The following SORT1 variants were observed in gnomAD, a reference collection of about 807,000 sequenced individuals.
SORT1 encodes the protein sortilin 1.
SORT1 carries 39 observed loss-of-function variants against 101.7 expected under a neutral mutation model. That is an observed-to-expected ratio of 0.38 (90% confidence interval 0.30 to 0.50). SORT1 has a LOEUF of 0.50. SORT1 is among the 20% of genes least tolerant of loss of function. SORT1 has a pLI of 0.90. For missense variants in SORT1, 878 were observed against 1,040.4 expected, an observed-to-expected ratio of 0.84 and a Z score of 2.15; for synonymous variants, 396 against 393.7, an observed-to-expected ratio of 1.01 and a Z score of -0.07.
In SORT1 at chr1:109,311,468, G is replaced by C. The variant is rs1486306777; in HGVS notation, c.*2575C>G. 6.6e-6 allele frequency: 1 copy of C among 152,216 alleles called. No individual in the cohort carries two copies. Among genetic ancestry groups the C allele is most frequent in the Non-Finnish European group, 1.5e-5 (1 of 68,034 alleles). The allele number at this position is 152,216 out of a possible 1,614,324, so 9.4% of individuals were successfully genotyped here. A position where few individuals can be genotyped will look rare whatever the true frequency, so the allele number is the denominator to read the frequency against. ...GCTGAGGGCACACATTTGTGAGTGA[G>C]CAGGTTGATAAAGAAAGCTAACTAG... On this transcript the variant is annotated 3_prime_UTR_variant, in exon 20 of 20. Coordinates refer to ENST00000256637, the MANE Select transcript of SORT1 (RefSeq NM_002959.7).
At chr1:109,364,992 T>C (rs998230424) in intron 3 of SORT1, among the ~76,000 whole-genome samples, 11 of 152,224 alleles carry the variant, frequency 7.2e-5, no homozygotes, top group Non-Finnish European at 1.2e-4. Context: ...CTGAGCCTAC[T>C]TGCCAACAAA....
At chr1:109,333,354 C>G (rs1438785949) in intron 11 of SORT1, among the ~76,000 whole-genome samples, 1 of 152,102 alleles carries the variant, frequency 6.6e-6, no homozygotes, top group Non-Finnish European at 1.5e-5. Flanking sequence ...TTCATCTGGG[C>G]AATGGCTTTT....
intron 6 of SORT1, among the ~76,000 whole-genome samples, chr1:109,348,367 C>T (rs1649733913): frequency 6.6e-6 from 1 of 151,450 alleles, no homozygotes; most frequent in African/African-American, 2.4e-5. Flanking sequence ...ACAGCAGCAT[C>T]CTGGTTATTC....
chr1:109,366,763 G>A (rs1443649036), intron 3 of SORT1: 1 of 152,178 alleles, frequency 6.6e-6, no homozygotes, highest in African/African-American at 2.4e-5. Context: ...AAATTACCCA[G>A]GCATGGAGGT....
intron 3 of SORT1, among the ~76,000 whole-genome samples, chr1:109,360,124 C>T (rs1266012500): frequency 6.6e-6 from 1 of 152,116 alleles, no homozygotes; most frequent in Non-Finnish European, 1.5e-5. Flanking sequence ...GCTGGGCATC[C>T]TCCCACCTCG....
chr1:109,340,759 A>G lies in SORT1; in HGVS notation c.1229T>C (p.Leu410Pro). Residue 410 changes from leucine to proline, a missense_variant, in exon 10 of 20, where the codon CTC (leucine) becomes CCC (proline). Physicochemically the swap from Leu to Pro is moderately conservative, Grantham distance 98 (BLOSUM62 -3). Transcript: ENST00000256637. ...GETDFTNVTSLRGVYITSVLS... is the reference protein window; with the variant it reads ...GETDFTNVTSPRGVYITSVLS... Reference sequence around the variant, plus strand: ...CACGCTTGTTATGTAGACGCCGCGGAGGGAGGTCACGTTGGTAAAGTCCGT... The same window carrying G: ...CACGCTTGTTATGTAGACGCCGCGGGGGGAGGTCACGTTGGTAAAGTCCGT... 6.2e-7 allele frequency: 1 copy of G among 1,614,072 alleles called. No individual in the cohort carries two copies. Among genetic ancestry groups the G allele is most frequent in the South Asian group, 1.1e-5 (1 of 91,078 alleles).
chr1:109,346,007 G>C (rs912394830), intron 7 of SORT1, 126 bp from the exon 8 acceptor site: 6 of 813,012 alleles, frequency 7.4e-6, no homozygotes, highest in Non-Finnish European at 5.8e-6. Context: ...TTAATCAAGT[G>C]ACAACATAAA....
intron 3 of SORT1, 127 bp downstream of exon 3, chr1:109,367,281 G>A: frequency 1.6e-6 from 1 of 625,810 alleles, no homozygotes; most frequent in Non-Finnish European, 2.9e-6. Flanking sequence ...TGACAGTCTG[G>A]TGAAAACTTA....
At chr1:109,348,483 A>G (rs1254631434) in intron 6 of SORT1, among the ~76,000 whole-genome samples, 8 of 152,140 alleles carry the variant, frequency 5.3e-5, no homozygotes, top group Middle Eastern at 3.4e-3. Flanking sequence ...AGTTTTAAAG[A>G]TAAGGTTTTG....
At chr1:109,321,466 C>T (rs1004809795) in intron 15 of SORT1, among the ~76,000 whole-genome samples, 17 of 152,062 alleles carry the variant, frequency 1.1e-4, no homozygotes, top group African/African-American at 3.6e-4. Flanking sequence ...TATTTGGAGT[C>T]GAGGATAGGA....
At chr1:109,348,587 A>G (rs1649754260) in intron 6 of SORT1, among the ~76,000 whole-genome samples, 2 of 152,120 alleles carry the variant, frequency 1.3e-5, no homozygotes, top group Admixed American at 6.6e-5. Context: ...CTCCTCGGCT[A>G]AAGTGATCCT....
rs781627380 is a variant in SORT1, at chr1:109,325,008, T to C, written c.1725A>G (p.Glu575=). 6.2e-7 allele frequency: 1 copy of C among 1,612,290 alleles called. No homozygotes were observed. Among genetic ancestry groups the C allele is most frequent in the African/African-American group, 1.3e-5 (1 of 74,968 alleles). The change falls in exon 14 of 20, where the codon GAA becomes GAG. Residue 575 remains glutamate (E), a synonymous_variant. Transcript: ENST00000256637. The part of the protein sequence containing the change: ...DPIYFTGLAS[E]PGARSMNISI... ...TGATATTCATGGACCTAGCTCCAGGTTCTGAAGCTAGGCCAGTGAAATAGA... is the reference window on the plus strand; with the variant it reads ...TGATATTCATGGACCTAGCTCCAGGCTCTGAAGCTAGGCCAGTGAAATAGA...
chr1:109,385,891 A>G (rs1489300016), intron 1 of SORT1, among the ~76,000 whole-genome samples: 3 of 152,150 alleles, frequency 2.0e-5, no homozygotes, highest in Non-Finnish European at 2.9e-5. Context: ...ATTATATATC[A>G]TTTAGTGCCA....
chr1:109,330,921 G>A (rs936371390), intron 11 of SORT1, among the ~76,000 whole-genome samples: 3 of 152,020 alleles, frequency 2.0e-5, no homozygotes, highest in African/African-American at 7.2e-5. Flanking sequence ...TCATGAAGAA[G>A]AAATAGAAAA....
chr1:109,327,777 C>T (rs1409771128), intron 11 of SORT1, among the ~76,000 whole-genome samples, 176 bp from the exon 12 acceptor site: 1 of 152,178 alleles, frequency 6.6e-6, no homozygotes, highest in Non-Finnish European at 1.5e-5. Flanking sequence ...AGTATATTCA[C>T]ATTGTTGTAC....
At chr1:109,385,059 T>C (rs759345302) in intron 1 of SORT1, among the ~76,000 whole-genome samples, 19 of 151,870 alleles carry the variant, frequency 1.3e-4, no homozygotes, top group African/African-American at 2.9e-4. Context: ...GCCTGGACAA[T>C]AGAGTGAGAC....
chr1:109,365,918 C>A (rs1200019948), intron 3 of SORT1, among the ~76,000 whole-genome samples: 3 of 152,196 alleles, frequency 2.0e-5, no homozygotes, highest in African/African-American at 7.2e-5. Context: ...TAATCCATTT[C>A]AGAGCTTGAA....
chr1:109,314,214 A>AC (rs1557774923), intron 19 of SORT1, 47 bp downstream of exon 19: 2 of 1,188,336 alleles, frequency 1.7e-6, no homozygotes, highest in East Asian at 7.2e-5. Context: ...ATTTTCTTGT[A>AC]TTTTTTGGGG....
chr1:109,314,492 CA>C, intron 18 of SORT1, 108 bp from the exon 19 acceptor site: 2 of 1,334,782 alleles, frequency 1.5e-6, no homozygotes, highest in South Asian at 2.8e-5. Context: ...ATCACAGACA[CA>C]GAAAGCACAG....
Sources: gnomAD v4.1 joint callset for allele counts (sites outside exome capture counted in the v4.1 genomes callset) on GRCh38, gnomAD v4.1.1 for gene constraint, MANE v1.5 for transcripts, NCBI Gene and HGNC (gene_info 2026-07-23, HGNC 2026-07-21) for gene names.